The following DYSF variants were observed in gnomAD, a reference collection of about 807,000 sequenced individuals.
DYSF encodes dystrophy-associated fer-1-like 1.
In DYSF, 212 loss-of-function variants were observed where a neutral mutation model predicts 274.9. The ratio of observed to expected loss-of-function variants is 0.77; its 90% CI spans 0.69 to 0.86. The LOEUF (loss-of-function observed/expected upper bound fraction) is 0.86, where lower values mean the gene tolerates loss of function less well. Ranked by LOEUF, DYSF falls within the 40% of genes least tolerant of loss-of-function variation. The pLI, the probability that DYSF is intolerant of heterozygous loss-of-function variation, is 0.00. For synonymous variants in DYSF, 1,091 were observed against 1,078.7 expected, an observed-to-expected ratio of 1.01 and a Z score of -0.22; for missense variants, 2,666 against 2,783.2, an observed-to-expected ratio of 0.96 and a Z score of 0.95.
At chr2:71,526,395 GC>G in intron 13 of DYSF, 49 bp downstream of exon 13, 1 of 1,576,820 alleles carries the variant, frequency 6.3e-7, no homozygotes, top group Non-Finnish European at 8.6e-7. Flanking sequence ...GGCTGGAGGC[GC>G]AGGGCTGGTG....
chr2:71,561,047 A>T (rs1352479919), intron 22 of DYSF, among the ~76,000 whole-genome samples: 1 of 152,088 alleles, frequency 6.6e-6, no homozygotes, highest in Non-Finnish European at 1.5e-5. Flanking sequence ...CCTCCGTGGG[A>T]TGGGGGAGGT....
chr2:71,672,752 G>T (rs2095151034), intron 51 of DYSF, among the ~76,000 whole-genome samples: 1 of 152,226 alleles, frequency 6.6e-6, no homozygotes, highest in African/African-American at 2.4e-5. Flanking sequence ...GGCGGGCCAT[G>T]CAGGCGGGCC....
chr2:71,618,425 T>C (rs1212299650), intron 40 of DYSF, among the ~76,000 whole-genome samples: 7 of 108,104 alleles, frequency 6.5e-5, no homozygotes, highest in Admixed American at 1.1e-4. Context: ...GTGTGTGTGG[T>C]AGAGGTGGGG....
At chr2:71,670,205 A>T (rs2095095329) in intron 51 of DYSF, among the ~76,000 whole-genome samples, 1 of 152,078 alleles carries the variant, frequency 6.6e-6, no homozygotes. Context: ...CCACCTCATG[A>T]TCACACAGTG....
intron 1 of DYSF, among the ~76,000 whole-genome samples, chr2:71,478,258 C>G (rs2082557969): frequency 6.7e-6 from 1 of 150,122 alleles, no homozygotes; most frequent in Non-Finnish European, 1.5e-5. Context: ...GTCGCCCAGG[C>G]TGGAGTGCAG....
intron 41 of DYSF, among the ~76,000 whole-genome samples, chr2:71,623,940 A>C (rs1012977818): frequency 3.3e-5 from 5 of 152,112 alleles, no homozygotes; most frequent in Admixed American, 2.6e-4. Context: ...GTGGTGGCAC[A>C]TGCCTGTAGT....
In DYSF at chr2:71,487,892, T is replaced by C. The variant is rs1021397626; in HGVS notation, c.239+5922T>C. Among the ~76,000 whole-genome samples the C allele has an allele frequency of 6.6e-5, 10 of 152,338 alleles. No individual in the cohort carries two copies. The Middle Eastern group carries it at 0.01, about 155-fold the overall frequency. ...TAAATAGAAATGGTCATTCTTGTAA[T>C]TGTTTATGTATGTGATTATTGGCAA... On this transcript the variant is annotated intron_variant, in intron 3 of 55. Coordinates refer to ENST00000410020, the MANE Select transcript of DYSF (RefSeq NM_001130987.2).
chr2:71,621,610 T>C (rs1446991196), intron 41 of DYSF, among the ~76,000 whole-genome samples: 1 of 71,734 alleles, frequency 1.4e-5, no homozygotes, highest in Non-Finnish European at 4.2e-5. Context: ...TATTTTTCCA[T>C]ATTTGTATGT....
chr2:71,682,740 G>A, intron 55 of DYSF, 63 bp downstream of exon 55: 6 of 1,566,806 alleles, frequency 3.8e-6, no homozygotes, highest in South Asian at 2.3e-5. Flanking sequence ...GTTCATCATT[G>A]TCCTCAAAGA....
At chr2:71,548,824 A>G (rs1365198431) in intron 17 of DYSF, among the ~76,000 whole-genome samples, 1 of 152,048 alleles carries the variant, frequency 6.6e-6, no homozygotes, top group East Asian at 1.9e-4. Flanking sequence ...GGACACGGCC[A>G]CTAGGTGGAG....
intron 41 of DYSF, among the ~76,000 whole-genome samples, chr2:71,629,588 G>C (rs1020541166): frequency 6.6e-6 from 1 of 152,176 alleles, no homozygotes; most frequent in Admixed American, 6.5e-5. Flanking sequence ...GATGTCTGGA[G>C]ACACTATAAA....
At chr2:71,619,826 A>G (rs948043385) in intron 40 of DYSF, among the ~76,000 whole-genome samples, 4 of 152,146 alleles carry the variant, frequency 2.6e-5, no homozygotes, top group Non-Finnish European at 5.9e-5. Context: ...GTGGTCTCTG[A>G]ACAAGTCTTC....
intron 35 of DYSF, among the ~76,000 whole-genome samples, chr2:71,602,344 C>T (rs565230555): frequency 3.3e-5 from 5 of 152,284 alleles, no homozygotes. Flanking sequence ...CCTGCCCCTC[C>T]AGCTCTCCCT....
intron 7 of DYSF, among the ~76,000 whole-genome samples, chr2:71,515,235 G>A: frequency 6.6e-6 from 1 of 152,118 alleles, no homozygotes; most frequent in East Asian, 1.9e-4. Context: ...ACTTCACTGT[G>A]TAAGTTCGAC....
At chr2:71,563,151 G>A (rs1306158589) in intron 23 of DYSF, among the ~76,000 whole-genome samples, 1 of 152,202 alleles carries the variant, frequency 6.6e-6, no homozygotes, top group Non-Finnish European at 1.5e-5. Flanking sequence ...TGCTGTGGGT[G>A]CCACACTTTG....
At chr2:71,665,364 T>C in intron 47 of DYSF, 60 bp downstream of exon 47, 5 of 1,609,256 alleles carry the variant, frequency 3.1e-6, no homozygotes, top group Non-Finnish European at 4.2e-6. Context: ...CCCTCTCTCA[T>C]CAGACCCTCT....
intron 26 of DYSF, 152 bp from the exon 27 acceptor site, chr2:71,569,668 G>GCAGTGTCTGCCTTTTCACT: frequency 1.4e-6 from 1 of 692,806 alleles, no homozygotes; most frequent in Non-Finnish European, 2.6e-6. Flanking sequence ...TGTCTGCCTT[G>GCAGTGTCTGCCTTTTCACT]GTCTCTTGCA....
intron 43 of DYSF, among the ~76,000 whole-genome samples, chr2:71,657,664 AC>A (rs1196656714): frequency 6.6e-6 from 1 of 152,130 alleles, no homozygotes; most frequent in Non-Finnish European, 1.5e-5. Context: ...CAGGCTCAAT[AC>A]CACGTGGAAG....
chr2:71,675,509 G>A lies in DYSF; in HGVS notation c.5884+1213G>A, dbSNP rs866703919. On this transcript the variant is annotated intron_variant, in intron 52 of 55. Coordinates refer to ENST00000410020, the MANE Select transcript of DYSF (RefSeq NM_001130987.2). Reference sequence around the variant, plus strand: ...CCCTGCAGGGGATATTCTGAGGCGCGGCTTCCGGCAGTGGGGAGAAGGCTG... The same window carrying A: ...CCCTGCAGGGGATATTCTGAGGCGCAGCTTCCGGCAGTGGGGAGAAGGCTG... Among the ~76,000 whole-genome samples the A allele has an allele frequency of 5.3e-5, 8 of 152,266 alleles. No homozygotes were observed. The Middle Eastern group carries it at 0.014, about 259-fold the overall frequency.
Sources: allele counts gnomAD v4.1 joint callset (sites outside exome capture counted in the v4.1 genomes callset), GRCh38; gene constraint gnomAD v4.1.1; transcripts MANE v1.5; gene names NCBI Gene and HGNC (gene_info 2026-07-23, HGNC 2026-07-21).